The following MMP26 variants were observed in gnomAD, a reference collection of about 807,000 sequenced individuals.
The protein encoded by MMP26 is matrix metallopeptidase 26, also known as matrix metalloproteinase-26.
MMP26 carries 33 observed loss-of-function variants against 31.0 expected under a neutral mutation model. The observed-to-expected ratio is 1.06, with a 90% CI of 0.81 to 1.42. The LOEUF (loss-of-function observed/expected upper bound fraction) is 1.42. Ranked by LOEUF, MMP26 falls within the 40% of genes most tolerant of loss-of-function variation. The pLI, the probability that MMP26 is intolerant of heterozygous loss-of-function variation, is 0.00. For missense variants in MMP26, 347 were observed against 316.1 expected (o/e 1.10, Z -0.74); for synonymous variants, 122 against 114.9 (o/e 1.06, Z -0.40).
intron 2 of MMP26, among the ~76,000 whole-genome samples, chr11:4,842,565 C>T (rs1328257007): frequency 6.6e-6 from 1 of 152,132 alleles, no homozygotes; most frequent in African/African-American, 2.4e-5. Flanking sequence ...AGAAGTTACT[C>T]ACTATCATGA....
At chr11:4,811,373 A>G (rs1334591186) in intron 2 of MMP26, among the ~76,000 whole-genome samples, 1 of 152,140 alleles carries the variant, frequency 6.6e-6, no homozygotes, top group African/African-American at 2.4e-5. Context: ...ACGCTCAAGT[A>G]GGTCCCAGTG....
intron 2 of MMP26, among the ~76,000 whole-genome samples, chr11:4,804,842 C>T (rs562147881): frequency 3.0e-4 from 46 of 151,038 alleles, no homozygotes; most frequent in Middle Eastern, 3.4e-3. Flanking sequence ...TGGTAGAGCA[C>T]GCCTATAGTC....
intron 2 of MMP26, chr11:4,882,901 G>A: frequency 6.3e-7 from 1 of 1,592,348 alleles, no homozygotes; most frequent in Non-Finnish European, 8.6e-7. Context: ...AAATTGTCAG[G>A]ACACGAATTA....
intron 1 of MMP26, among the ~76,000 whole-genome samples, chr11:4,720,722 T>C (rs1318204755): frequency 3.3e-5 from 5 of 152,184 alleles, no homozygotes; most frequent in African/African-American, 1.2e-4. Flanking sequence ...GCTGCTCTTT[T>C]GGTTCTGGTA....
intron 2 of MMP26, among the ~76,000 whole-genome samples, chr11:4,823,389 C>G (rs1849537697): frequency 6.6e-6 from 1 of 152,138 alleles, no homozygotes; most frequent in African/African-American, 2.4e-5. Flanking sequence ...CAGACAACTT[C>G]TCCCCCAAAC....
In MMP26 at chr11:4,947,370, G is replaced by T. The variant is rs1156675334; in HGVS notation, c.-144-40698G>T. Among the ~76,000 whole-genome samples, 2 of 125,016 alleles carry T rather than the reference G, an allele frequency of 1.6e-5. 1 individual carries two copies. The highest frequency in any genetic ancestry group is 3.6e-5 in the Non-Finnish European group (2 of 55,146). 82.0% of individuals were successfully genotyped at this position (125,016 alleles called of 152,430 possible). On this transcript the variant is annotated intron_variant, in intron 2 of 7. Transcript: ENST00000380390. ...AATCCAGATTTAAATTTTGTATTTA[G>T]TTACGCATCTGATTTCATTTTTTCC...
At chr11:4,988,973 C>T (rs142827850) in intron 3 of MMP26, among the ~76,000 whole-genome samples, 5 of 152,230 alleles carry the variant, frequency 3.3e-5, no homozygotes, top group East Asian at 1.9e-4. Context: ...AATAGGTTTA[C>T]GTCAAGTACT....
At chr11:4,967,009 G>C (rs1256700696) in intron 2 of MMP26, among the ~76,000 whole-genome samples, 3 of 152,154 alleles carry the variant, frequency 2.0e-5, no homozygotes, top group Non-Finnish European at 2.9e-5. Flanking sequence ...AGTGTCAGGT[G>C]ATTTGGTAAA....
intron 2 of MMP26, among the ~76,000 whole-genome samples, chr11:4,940,461 A>T (rs1026541929): frequency 2.6e-5 from 4 of 152,198 alleles, no homozygotes; most frequent in Non-Finnish European, 4.4e-5. Flanking sequence ...ATTTTGTCAG[A>T]CATTTTGAAA....
At chr11:4,848,533 CATAG>C (rs1487510529) in intron 2 of MMP26, 3 of 1,613,166 alleles carry the variant, frequency 1.9e-6, no homozygotes, top group Non-Finnish European at 2.5e-6. Flanking sequence ...CCAATCAGGC[CATAG>C]GAGAAGAAAA....
chr11:4,926,326 A>G (rs1851272818), intron 2 of MMP26, among the ~76,000 whole-genome samples: 1 of 152,186 alleles, frequency 6.6e-6, no homozygotes, highest in Non-Finnish European at 1.5e-5. Context: ...AAAAGTAGAT[A>G]TCAAAGGATT....
At chr11:4,991,314 T>C in intron 5 of MMP26, 57 bp from the exon 6 acceptor site, 1 of 1,576,268 alleles carries the variant, frequency 6.3e-7, no homozygotes. Flanking sequence ...TTAAGACTAT[T>C]CTGGCCTTTG....
In MMP26 at chr11:4,948,602, G is replaced by A. The variant is rs968597749; in HGVS notation, c.-144-39466G>A. ...TTCTAGTGGATAAGATGAAACATTT[G>A]GTCCTACAGTTGCAAATCTTTGCAA... On this transcript the variant is annotated intron_variant, in intron 2 of 7. Transcript: ENST00000380390. Among the ~76,000 whole-genome samples, 2 of 123,578 alleles carry A rather than the reference G, an allele frequency of 1.6e-5. 1 individual carries two copies. The highest frequency in any genetic ancestry group is 1.8e-4 in the Admixed American group (2 of 11,072). 81.1% of individuals were successfully genotyped at this position (123,578 alleles called of 152,430 possible). A position where few individuals can be genotyped will look rare whatever the true frequency, so the allele number is the denominator to read the frequency against.
At chr11:4,725,349 G>A (rs1239867242) in intron 1 of MMP26, among the ~76,000 whole-genome samples, 2 of 152,142 alleles carry the variant, frequency 1.3e-5, no homozygotes, top group Non-Finnish European at 2.9e-5. Flanking sequence ...GCCCAAAGAG[G>A]AAATAGAGGA....
intron 2 of MMP26, among the ~76,000 whole-genome samples, chr11:4,786,243 T>C (rs1301940242): frequency 6.6e-6 from 1 of 152,126 alleles, no homozygotes; most frequent in Admixed American, 6.5e-5. Flanking sequence ...GTTTTCCTCT[T>C]TCTGGATCTG....
At chr11:4,976,193 G>A (rs1393339553) in intron 2 of MMP26, among the ~76,000 whole-genome samples, 1 of 151,900 alleles carries the variant, frequency 6.6e-6, no homozygotes, top group Non-Finnish European at 1.5e-5. Flanking sequence ...TTATAAAAAT[G>A]CAAAAAAGTT....
At chr11:4,971,408 T>C (rs977687293) in intron 2 of MMP26, among the ~76,000 whole-genome samples, 1 of 152,290 alleles carries the variant, frequency 6.6e-6, no homozygotes, top group African/African-American at 2.4e-5. Flanking sequence ...TCCTGAGTCA[T>C]GGCACCTCAA....
intron 4 of MMP26, among the ~76,000 whole-genome samples, 153 bp from the exon 5 acceptor site, chr11:4,990,445 T>C (rs909669002): frequency 6.6e-6 from 1 of 152,210 alleles, no homozygotes; most frequent in African/African-American, 2.4e-5. Flanking sequence ...AAGTTTCTGA[T>C]TTAATTAGTC....
At chr11:4,934,896 C>T (rs1098454) in intron 2 of MMP26, among the ~76,000 whole-genome samples, 80,101 of 150,562 alleles carry the variant, frequency 0.53, 22,497 homozygotes, top group East Asian at 0.76. Context: ...AGGTATGCGG[C>T]GTTATTTCTG....
Sources: allele counts gnomAD v4.1 joint callset (sites outside exome capture counted in the v4.1 genomes callset), GRCh38; gene constraint gnomAD v4.1.1; transcripts MANE v1.5; gene names NCBI Gene and HGNC (gene_info 2026-07-23, HGNC 2026-07-21).